ITGA1: variants seen among roughly 807,000 people sequenced by gnomAD.
ITGA1 encodes the protein integrin alpha-1.
In ITGA1, 85 loss-of-function variants were observed where a neutral mutation model predicts 145.9. The observed-to-expected ratio is 0.58, with a 90% CI of 0.49 to 0.70. The LOEUF (loss-of-function observed/expected upper bound fraction) is 0.70. ITGA1 is among the 30% of genes least tolerant of loss of function. ITGA1 has a pLI of 0.00. For synonymous variants in ITGA1, 520 were observed against 495.3 expected (o/e 1.05, Z -0.66); for missense variants, 1,351 against 1,418.7 (o/e 0.95, Z 0.77).
chr5:52,888,337 G>T (rs2111815532), intron 8 of ITGA1, among the ~76,000 whole-genome samples: 1 of 152,280 alleles, frequency 6.6e-6, no homozygotes, highest in South Asian at 2.1e-4. Flanking sequence ...GGGAAGGCGG[G>T]AAAAATGCCT....
At chr5:52,928,462 A>G (rs1750846124) in intron 20 of ITGA1, among the ~76,000 whole-genome samples, 1 of 152,236 alleles carries the variant, frequency 6.6e-6, no homozygotes. Context: ...ACTCGTTGAA[A>G]GTGTGTATTT....
intron 11 of ITGA1, chr5:52,904,923 A>T (rs1306452462): frequency 6.6e-6 from 1 of 152,128 alleles, no homozygotes; most frequent in East Asian, 1.9e-4. Flanking sequence ...GAATAAAGTC[A>T]CATTAAAATC....
intron 1 of ITGA1, among the ~76,000 whole-genome samples, chr5:52,798,404 A>G (rs1394014130): frequency 3.9e-5 from 1 of 25,846 alleles, no homozygotes; most frequent in Non-Finnish European, 9.7e-5. Context: ...ATCTCTTAGG[A>G]AGATAATGAC....
chr5:52,803,700 C>A (rs1447731797), intron 1 of ITGA1: 1 of 152,118 alleles, frequency 6.6e-6, no homozygotes, highest in Non-Finnish European at 1.5e-5. Flanking sequence ...CTGATTCAGG[C>A]CTTGCTATTC....
intron 1 of ITGA1, among the ~76,000 whole-genome samples, chr5:52,838,215 G>T (rs1413467617): frequency 2.6e-5 from 4 of 152,266 alleles, no homozygotes; most frequent in African/African-American, 4.8e-5. Context: ...GGAAGGGAGA[G>T]AAATTATACA....
At chr5:52,889,942 T>G (rs1194255547) in intron 8 of ITGA1, 4 of 152,100 alleles carry the variant, frequency 2.6e-5, no homozygotes, top group African/African-American at 7.2e-5. Context: ...TGTCTTTCCT[T>G]TATTTTTTGG....
At chr5:52,798,536 C>T (rs966045425) in intron 1 of ITGA1, among the ~76,000 whole-genome samples, 25 of 152,110 alleles carry the variant, frequency 1.6e-4, no homozygotes, top group Non-Finnish European at 2.2e-4. Flanking sequence ...CTATGCCTTT[C>T]TGGGAAGATG....
intron 1 of ITGA1, among the ~76,000 whole-genome samples, chr5:52,796,914 T>C (rs1057470409): frequency 6.6e-6 from 1 of 152,058 alleles, no homozygotes; most frequent in Non-Finnish European, 1.5e-5. Context: ...GAAGTTAGTA[T>C]GAGTTAAGGT....
At chr5:52,813,334 A>G (rs1748713878) in intron 1 of ITGA1, among the ~76,000 whole-genome samples, 1 of 152,156 alleles carries the variant, frequency 6.6e-6, no homozygotes, top group Admixed American at 6.5e-5. Flanking sequence ...CTTACTTCCT[A>G]TGGTACCTGT....
At chr5:52,879,095 G>A (rs1749914072) in intron 6 of ITGA1, among the ~76,000 whole-genome samples, 1 of 152,070 alleles carries the variant, frequency 6.6e-6, no homozygotes, top group Non-Finnish European at 1.5e-5. Context: ...TGCTGACAAG[G>A]TCTTCCAAAT....
At chr5:52,893,487 G>A (rs974621645) in intron 8 of ITGA1, among the ~76,000 whole-genome samples, 188 bp from the exon 9 acceptor site, 1 of 152,102 alleles carries the variant, frequency 6.6e-6, no homozygotes, top group African/African-American at 2.4e-5. Context: ...CAATTGTGGT[G>A]TTTATATAAC....
chr5:52,849,841 G>A (rs1335060417), intron 2 of ITGA1, among the ~76,000 whole-genome samples: 4 of 152,018 alleles, frequency 2.6e-5, no homozygotes, highest in Non-Finnish European at 2.9e-5. Context: ...GGAAGGATTC[G>A]GAGGCAAATG....
At chr5:52,931,120 T>C (rs1750888444) in intron 21 of ITGA1, 1 of 152,204 alleles carries the variant, frequency 6.6e-6, no homozygotes, top group South Asian at 2.1e-4. Context: ...CTTATGCCCA[T>C]TCTGTGAGAC....
intron 1 of ITGA1, among the ~76,000 whole-genome samples, chr5:52,804,586 T>C (rs2111673128): frequency 6.6e-6 from 1 of 152,326 alleles, no homozygotes; most frequent in East Asian, 1.9e-4. Flanking sequence ...GTTTCCTTTT[T>C]CAGCTTCCCT....
chr5:52,829,002 A>T (rs889276145), intron 1 of ITGA1, among the ~76,000 whole-genome samples: 1 of 152,198 alleles, frequency 6.6e-6, no homozygotes, highest in Non-Finnish European at 1.5e-5. Context: ...TAAGATTACC[A>T]GTCATTGAAT....
intron 1 of ITGA1, among the ~76,000 whole-genome samples, chr5:52,833,724 A>AT (rs572866689): frequency 1.3e-3 from 195 of 152,244 alleles, no homozygotes; most frequent in African/African-American, 4.4e-3. Context: ...TAGGTGTAAT[A>AT]TTTTTTAAGC....
Position 52,800,698 on chromosome 5 carries a change from A to G in ITGA1, c.61+12284A>G. 2 of 1,614,192 alleles carry G rather than the reference A, an allele frequency of 1.2e-6. No individual in the cohort carries two copies. Among genetic ancestry groups the G allele is most frequent in the South Asian group, 1.1e-5 (1 of 91,090 alleles). On this transcript the variant is annotated intron_variant, in intron 1 of 28. Transcript: ENST00000282588. Reference sequence around the variant, plus strand: ...TGTCAAGATGGGGGCTTACCACACCATCGAGCTGGAGCCCAACCGCCAGTT... The same window carrying G: ...TGTCAAGATGGGGGCTTACCACACCGTCGAGCTGGAGCCCAACCGCCAGTT...
chr5:52,801,732 C>T (rs1748491298), intron 1 of ITGA1: 3 of 1,613,936 alleles, frequency 1.9e-6, no homozygotes, highest in Middle Eastern at 1.6e-4. Context: ...CTAGTCTTCA[C>T]GTTTCTGGGG....
chr5:52,837,734 A>G (rs961408256), intron 1 of ITGA1, among the ~76,000 whole-genome samples: 9 of 152,050 alleles, frequency 5.9e-5, no homozygotes, highest in African/African-American at 1.9e-4. Flanking sequence ...GTAAAAGATG[A>G]TGCTACTAGA....
Sources: gnomAD v4.1 joint callset for allele counts (sites outside exome capture counted in the v4.1 genomes callset) on GRCh38, gnomAD v4.1.1 for gene constraint, MANE v1.5 for transcripts, NCBI Gene and HGNC (gene_info 2026-07-23, HGNC 2026-07-21) for gene names.